Variants in JCAD observed in about 807,000 individuals in gnomAD.
The protein encoded by JCAD is junctional cadherin 5-associated protein.
In JCAD, 40 loss-of-function variants were observed where a neutral mutation model predicts 98.0. That is an observed-to-expected ratio of 0.41 (90% CI 0.32 to 0.53). The LOEUF (loss-of-function observed/expected upper bound fraction) is 0.53. Among genes scored for constraint, JCAD ranks in the 20% least tolerant of loss-of-function variants. JCAD has a pLI of 0.31. For missense variants in JCAD, 1,705 were observed against 1,738.1 expected (o/e 0.98, Z 0.34); for synonymous variants, 691 against 682.3 (o/e 1.01, Z -0.20).
In JCAD at chr10:30,028,313, C is replaced by T. The variant is rs760965563; in HGVS notation, c.1835G>A (p.Gly612Glu). ...TTGCAGAGCCGGGCTCTTATCAGACCCATTCTTTTGATCAGCACTGGGCTT... is the reference window on the plus strand; with the variant it reads ...TTGCAGAGCCGGGCTCTTATCAGACTCATTCTTTTGATCAGCACTGGGCTT... ...DLKPSADQKN[G>E]SDKSPALQEQ... Residue 612 changes from glycine to glutamate, a missense_variant, in exon 3 of 4, where the codon GGG (glycine) becomes GAG (glutamate). Around this residue, in one of 3 missense-constraint regions of JCAD, gnomAD observed 1,278 missense variants for 1,243.1 expected, o/e 1.03. Transcript: ENST00000375377. 2 of 1,614,190 alleles carry T rather than the reference C, an allele frequency of 1.2e-6. No homozygotes were observed. The highest frequency in any genetic ancestry group is 2.2e-5 in the South Asian group (2 of 91,084).
At chr10:30,060,629 C>T (rs959933278), upstream of JCAD, among the ~76,000 whole-genome samples, 6 of 152,150 alleles carry the variant, frequency 3.9e-5, no homozygotes, top group African/African-American at 1.4e-4. Context: ...TTTCAGAAAA[C>T]TACTTAGCCA....
At chr10:30,076,610 A>T (rs1282870555) in intron 1 of JCAD, among the ~76,000 whole-genome samples, 2 of 152,166 alleles carry the variant, frequency 1.3e-5, no homozygotes, top group Non-Finnish European at 2.9e-5. Flanking sequence ...GCGGTGTCCC[A>T]GGGCTGTTTG....
intron 1 of JCAD, among the ~76,000 whole-genome samples, chr10:30,113,432 T>C (rs1013867196): frequency 6.6e-6 from 1 of 150,642 alleles, no homozygotes; most frequent in Non-Finnish European, 1.5e-5. Flanking sequence ...GCGCCTGTAA[T>C]CCCAGCTACT....
In JCAD at chr10:30,016,285, A is replaced by C. The variant is rs1427634514; in HGVS notation, c.*1598T>G. On this transcript the variant is annotated 3_prime_UTR_variant, in exon 4 of 4. Transcript: ENST00000375377. ...AAAAATAGATAAGGTGGTTTCTCTA[A>C]AAGAAAATAAAATGAAAGAGAAGGG... 3 of 152,112 alleles carry C rather than the reference A, an allele frequency of 2.0e-5. No individual in the cohort carries two copies. The highest frequency in any genetic ancestry group is 7.2e-5 in the African/African-American group (3 of 41,418). The allele number at this position is 152,112 out of a possible 1,614,324, so 9.4% of individuals were successfully genotyped here.
Position 30,028,930 on chromosome 10 carries a change from C to A in JCAD, c.1218G>T (p.Gly406=), listed in dbSNP as rs1296095375. The A allele has an allele frequency of 1.2e-6, 2 of 1,614,014 alleles. No homozygotes were observed. The highest frequency in any genetic ancestry group is 1.1e-5 in the South Asian group (1 of 91,066). Residue 406 remains glycine (G), a synonymous_variant, in exon 3 of 4, where the codon GGG becomes GGT. Transcript: ENST00000375377. ...TGACAGGTCGGGGATGTGCGGGGAG[C>A]CCCTGAGGCAAGCGGGGGCTCACAC... The part of the protein sequence containing the change: ...EYGVSPRLPQ[G]LPAHPRPVTA...
At chr10:30,032,671 T>C (rs1436813566) in intron 2 of JCAD, among the ~76,000 whole-genome samples, 1 of 152,248 alleles carries the variant, frequency 6.6e-6, no homozygotes, top group East Asian at 1.9e-4. Context: ...CTTATACTCT[T>C]TCTACTCAGA....
At chr10:30,055,690 AT>A (rs1837557058) in intron 1 of JCAD, among the ~76,000 whole-genome samples, 1 of 152,240 alleles carries the variant, frequency 6.6e-6, no homozygotes, top group South Asian at 2.1e-4. Context: ...TGAAGTAATC[AT>A]TTTAGGAGGA....
At chr10:30,065,792 T>C (rs1354323908) in intron 2 of JCAD, among the ~76,000 whole-genome samples, 3 of 152,202 alleles carry the variant, frequency 2.0e-5, no homozygotes, top group Non-Finnish European at 4.4e-5. Context: ...TGAGCCACCA[T>C]GCCCAGCCCT....
chr10:30,099,296 C>T (rs573163891), intron 1 of JCAD, among the ~76,000 whole-genome samples: 1 of 152,286 alleles, frequency 6.6e-6, no homozygotes, highest in Admixed American at 6.5e-5. Flanking sequence ...CATTTTCTGT[C>T]TCATTCCTAA....
chr10:30,026,033 C>T, intron 3 of JCAD, 70 bp downstream of exon 3: 1 of 1,548,624 alleles, frequency 6.5e-7, no homozygotes, highest in South Asian at 1.1e-5. Context: ...TATCCACCAA[C>T]CTGGTATTTT....
At chr10:30,073,023 C>T (rs997779247) in intron 1 of JCAD, among the ~76,000 whole-genome samples, 11 of 152,214 alleles carry the variant, frequency 7.2e-5, no homozygotes, top group African/African-American at 2.7e-4. Flanking sequence ...GGGACAGGCT[C>T]TCTTAGGAAC....
At chr10:30,087,578 T>C (rs1838186350) in intron 1 of JCAD, among the ~76,000 whole-genome samples, 1 of 152,252 alleles carries the variant, frequency 6.6e-6, no homozygotes, top group Non-Finnish European at 1.5e-5. Context: ...GAGGGTGGCC[T>C]GTAGTTGTTT....
intron 1 of JCAD, among the ~76,000 whole-genome samples, chr10:30,052,367 T>C (rs1589695407): frequency 6.6e-6 from 1 of 152,214 alleles, no homozygotes; most frequent in African/African-American, 2.4e-5. Context: ...CTTCTAGCTC[T>C]AGGAAGCAGG....
At chr10:30,049,241 C>T (rs1203608576) in intron 1 of JCAD, among the ~76,000 whole-genome samples, 1 of 152,186 alleles carries the variant, frequency 6.6e-6, no homozygotes, top group East Asian at 1.9e-4. Flanking sequence ...GCCACAAAAG[C>T]CAGCCCCATC....
chr10:30,023,732 G>GT (rs1836717993), intron 3 of JCAD, among the ~76,000 whole-genome samples: 1 of 151,706 alleles, frequency 6.6e-6, no homozygotes, highest in African/African-American at 2.4e-5. Flanking sequence ...AGTAGCAGTG[G>GT]TTAAAAAAAA....
intron 2 of JCAD, 73 bp downstream of exon 2, chr10:30,047,459 G>T: frequency 1.3e-6 from 2 of 1,504,650 alleles, no homozygotes; most frequent in African/African-American, 1.4e-5. Context: ...AGATTTGAAA[G>T]AGTTTACCTA....
At chr10:30,058,927 C>T (rs1274786150) in intron 1 of JCAD, among the ~76,000 whole-genome samples, 1 of 152,184 alleles carries the variant, frequency 6.6e-6, no homozygotes, top group Non-Finnish European at 1.5e-5. Flanking sequence ...GGGAGCGGGG[C>T]CGCGGCGGGA....
chr10:30,072,474 T>C (rs1328757058), intron 1 of JCAD, among the ~76,000 whole-genome samples: 1 of 152,198 alleles, frequency 6.6e-6, no homozygotes, highest in Non-Finnish European at 1.5e-5. Flanking sequence ...AAGTTCTTAA[T>C]AGCAAGACAT....
chr10:30,070,813 G>A (rs1837871743), intron 1 of JCAD, among the ~76,000 whole-genome samples: 1 of 152,120 alleles, frequency 6.6e-6, no homozygotes, highest in South Asian at 2.1e-4. Flanking sequence ...TATTTTCCAG[G>A]GGCCTGTTTA....
Sources: gnomAD v4.1 joint callset for allele counts (sites outside exome capture counted in the v4.1 genomes callset) on GRCh38, gnomAD v4.1.1 for gene constraint, gnomAD v4.1.1 regional missense constraint, MANE v1.5 for transcripts, NCBI Gene and HGNC (gene_info 2026-07-23, HGNC 2026-07-21) for gene names.